The following GIMAP1 variants were observed in gnomAD, a reference collection of about 807,000 sequenced individuals.
GIMAP1 encodes GTPase IMAP family member 1.
For missense variants in GIMAP1, 423 were observed against 411.9 expected (o/e 1.03, Z -0.23); for synonymous variants, 230 against 187.7 (o/e 1.23, Z -1.84).
chr7:150,720,632 G>A lies in GIMAP1; in HGVS notation c.628G>A (p.Gly210Ser), dbSNP rs775340961. The change falls in exon 3 of 3, where the codon GGC becomes AGC. Residue 210 changes from glycine (G) to serine (S), a missense_variant. Coordinates refer to ENST00000307194, the MANE Select transcript of GIMAP1 (RefSeq NM_130759.4). The surrounding 1 kb of genome is among the most constrained non-coding windows in gnomAD (Gnocchi z 4.5). ...GGAGCAGCTGCTGGGGATGGTCGAG[G>A]GCTTGGTGCTGGAGCACAAGGGCGC... ...QVEQLLGMVE[G>S]LVLEHKGAHY... The A allele has an allele frequency of 1.9e-6, 3 of 1,612,700 alleles. No individual in the cohort carries two copies. Among genetic ancestry groups the A allele is most frequent in the African/African-American group, 1.3e-5 (1 of 75,050 alleles).
At chr7:150,719,564 T>TTA (rs1162675692) in intron 2 of GIMAP1, 3 of 164,872 alleles carry the variant, frequency 1.8e-5, no homozygotes, top group Non-Finnish European at 3.9e-5. Flanking sequence ...CAGGCCCCTA[T>TTA]TATCGCTCCC....
At chr7:150,719,237 G>T in intron 2 of GIMAP1, 147 bp downstream of exon 2, 1 of 936,444 alleles carries the variant, frequency 1.1e-6, no homozygotes. Flanking sequence ...CCTGAGATCT[G>T]CATTTTAGCT....
Position 150,722,043 on chromosome 7 carries a change from G to A in GIMAP1, c.*1118G>A, listed in dbSNP as rs1227515421. On this transcript the variant is annotated 3_prime_UTR_variant, in exon 3 of 3. Transcript: ENST00000307194. ...GAAAGCATCCGGTTTTTTCGGGATG[G>A]GCCTGTCCAGGAAGGTTCTCGAATG... 1.3e-5 allele frequency: 2 copies of A among 152,162 alleles called. No homozygotes were observed. The highest frequency in any genetic ancestry group is 4.8e-5 in the African/African-American group (2 of 41,426). The allele number at this position is 152,162 out of a possible 1,614,324, so 9.4% of individuals were successfully genotyped here.
chr7:150,720,585 G>A lies in GIMAP1; in HGVS notation c.581G>A (p.Gly194Asp). The change falls in exon 3 of 3, where the codon GGC becomes GAC. Residue 194 changes from glycine to aspartate, a missense_variant. Physicochemically the swap from Gly to Asp is moderately conservative, Grantham distance 94 (BLOSUM62 -1). Coordinates refer to ENST00000307194, the MANE Select transcript of GIMAP1 (RefSeq NM_130759.4). This position sits in a 1 kb window ranked among gnomAD's most constrained non-coding sequence, Gnocchi z 4.5. ...RVCAFDNRAT[G>D]REQEAQVEQL... is the part of the protein sequence containing the mutation. ...TGTGCCTTTGATAACCGGGCCACCGGCCGGGAGCAGGAAGCCCAGGTGGAG... is the reference window on the plus strand; with the variant it reads ...TGTGCCTTTGATAACCGGGCCACCGACCGGGAGCAGGAAGCCCAGGTGGAG... 6.2e-7 allele frequency: 1 copy of A among 1,613,802 alleles called. No individual in the cohort carries two copies. Among genetic ancestry groups the A allele is most frequent in the Non-Finnish European group, 8.5e-7 (1 of 1,179,838 alleles).
Position 150,720,312 on chromosome 7 carries a change from A to G in GIMAP1, c.308A>G (p.His103Arg). 6.2e-7 allele frequency: 1 copy of G among 1,614,188 alleles called. No individual in the cohort carries two copies. The highest frequency in any genetic ancestry group is 8.5e-7 in the Non-Finnish European group (1 of 1,180,022). ...KTDPGCEERG[H>R]CYLLSAPGPH... is the part of the protein sequence containing the mutation. ...GATCCTGGCTGTGAGGAGAGAGGTC[A>G]CTGCTACCTGCTCTCGGCCCCCGGA... is the stretch of plus-strand genomic sequence containing the variant. The change falls in exon 3 of 3, where the codon CAC becomes CGC. Residue 103 changes from histidine to arginine, a missense_variant. Coordinates refer to ENST00000307194, the MANE Select transcript of GIMAP1 (RefSeq NM_130759.4). This position sits in a 1 kb window ranked among gnomAD's most constrained non-coding sequence, Gnocchi z 4.5.
chr7:150,720,907 G>T lies in GIMAP1; in HGVS notation c.903G>T (p.Ala301=). Reference sequence around the variant, plus strand: ...ACAGGCGGTGGTCGGAGGCCGTTGCGGAGGTCGGGCCTGACTGACAGCGCA... The same window carrying T: ...ACAGGCGGTGGTCGGAGGCCGTTGCTGAGGTCGGGCCTGACTGACAGCGCA... ...LLHRRWSEAV[A]EVGPD Residue 301 remains alanine, a synonymous_variant, in exon 3 of 3, where the codon GCG becomes GCT. Coordinates refer to ENST00000307194, the MANE Select transcript of GIMAP1 (RefSeq NM_130759.4). The surrounding 1 kb of genome is among the most constrained non-coding windows in gnomAD (Gnocchi z 4.5). 1 of 1,579,394 alleles carries T rather than the reference G, an allele frequency of 6.3e-7. No homozygotes were observed. The highest frequency in any genetic ancestry group is 8.6e-7 in the Non-Finnish European group (1 of 1,168,796).
intron 1 of GIMAP1, among the ~76,000 whole-genome samples, chr7:150,718,625 A>G (rs1004765908): frequency 3.3e-5 from 5 of 152,190 alleles, no homozygotes; most frequent in Non-Finnish European, 7.3e-5. Context: ...CCTAAAGCCC[A>G]TTGGCATTGA....
In GIMAP1 at chr7:150,721,748, C is replaced by A. The variant is rs949273356; in HGVS notation, c.*823C>A. 1.3e-5 allele frequency: 2 copies of A among 150,104 alleles called. No homozygotes were observed. The highest frequency in any genetic ancestry group is 1.5e-5 in the Non-Finnish European group (1 of 67,848). The allele number at this position is 150,104 out of a possible 1,614,324, so 9.3% of individuals were successfully genotyped here. ...ATCACTTGATGCAGTGAGCCGAGAT[C>A]GTGCCACTGCACTCCAGGCTGGGTG... is the stretch of plus-strand genomic sequence containing the variant. On this transcript the variant is annotated 3_prime_UTR_variant, in exon 3 of 3. Coordinates refer to ENST00000307194, the MANE Select transcript of GIMAP1 (RefSeq NM_130759.4).
intron 1 of GIMAP1, among the ~76,000 whole-genome samples, chr7:150,718,755 A>G (rs1204358927): frequency 6.6e-6 from 1 of 152,192 alleles, no homozygotes; most frequent in African/African-American, 2.4e-5. Flanking sequence ...TGGCCCTTCC[A>G]AGGCCATTCT....
intron 1 of GIMAP1, among the ~76,000 whole-genome samples, chr7:150,717,681 A>G (rs1651096592): frequency 1.3e-5 from 2 of 152,220 alleles, no homozygotes; most frequent in South Asian, 4.1e-4. Context: ...TTGGTTGACA[A>G]GGACATTTTG....
chr7:150,719,518 G>C, intron 2 of GIMAP1: 1 of 167,468 alleles, frequency 6.0e-6, no homozygotes, highest in Non-Finnish European at 1.3e-5. Flanking sequence ...GAAGGAAAGA[G>C]GGCTTATTTC....
intron 2 of GIMAP1, 112 bp downstream of exon 2, chr7:150,719,202 A>C: frequency 1.8e-5 from 25 of 1,392,090 alleles, no homozygotes; most frequent in Non-Finnish European, 2.4e-5. Flanking sequence ...GAGGTGTCTC[A>C]ACTCTGGGAT....
In GIMAP1 at chr7:150,720,477, C is replaced by A; in HGVS notation, c.473C>A (p.Ala158Asp). The change falls in exon 3 of 3, where the codon GCC (alanine) becomes GAC (aspartate). Residue 158 changes from alanine to aspartate, a missense_variant. Transcript: ENST00000307194. The surrounding 1 kb of genome is among the most constrained non-coding windows in gnomAD (Gnocchi z 4.5). ...VIVFTRKEDL[A>D]GGSLHDYVSN... ...GTCTTCACCAGGAAGGAGGACCTGG[C>A]CGGGGGCTCCCTGCACGATTACGTG... 6.4e-7 allele frequency: 1 copy of A among 1,572,430 alleles called. No homozygotes were observed. The highest frequency in any genetic ancestry group is 1.2e-5 in the South Asian group (1 of 83,532).
rs746665465 is a variant in GIMAP1, at chr7:150,720,547, C to T, written c.543C>T (p.Cys181=). The T allele has an allele frequency of 3.7e-6, 6 of 1,610,776 alleles. No individual in the cohort carries two copies. The highest frequency in any genetic ancestry group is 2.2e-5 in the East Asian group (1 of 44,878). Residue 181 remains cysteine, a synonymous_variant, in exon 3 of 3, where the codon TGC becomes TGT. Transcript: ENST00000307194. This position sits in a 1 kb window ranked among gnomAD's most constrained non-coding sequence, Gnocchi z 4.5. ...NRALRELVAE[C]GGRVCAFDNR... Reference sequence around the variant, plus strand: ...CCTTGCGCGAGCTGGTGGCCGAGTGCGGGGGCCGGGTCTGTGCCTTTGATA... The same window carrying T: ...CCTTGCGCGAGCTGGTGGCCGAGTGTGGGGGCCGGGTCTGTGCCTTTGATA...
rs527404572 is a variant in GIMAP1 at position 150,719,336 on chromosome 7, C to T, written c.43+246C>T. On this transcript the variant is annotated intron_variant, in intron 2 of 2. Transcript: ENST00000307194. ...ATAAGGATAATAAACCTACTCCGAT[C>T]ACCGCAGAAGAAGTGCAGAGGGGAT... The T allele has an allele frequency of 5.6e-6, 3 of 532,936 alleles. No homozygotes were observed. The African/African-American group carries it at 5.7e-5, about 10-fold the overall frequency. The allele number at this position is 532,936 out of a possible 1,614,324, so 33.0% of individuals were successfully genotyped here. A position where few individuals can be genotyped will look rare whatever the true frequency, so the allele number is the denominator to read the frequency against.
Position 150,723,608 on chromosome 7 carries a change from A to G in GIMAP1, c.*2683A>G, listed in dbSNP as rs1394551274. On this transcript the variant is annotated 3_prime_UTR_variant, in exon 3 of 3. Coordinates refer to ENST00000307194, the MANE Select transcript of GIMAP1 (RefSeq NM_130759.4). ...TGGCTTAAAGGTTGCTTTTTCCCCC[A>G]TAGCTCAAGGTTAGGCCTTGTGACC... 1 of 152,104 alleles carries G rather than the reference A, an allele frequency of 6.6e-6. No individual in the cohort carries two copies. Among genetic ancestry groups the G allele is most frequent in the Non-Finnish European group, 1.5e-5 (1 of 68,028 alleles). The allele number at this position is 152,104 out of a possible 1,614,324, so 9.4% of individuals were successfully genotyped here.
chr7:150,717,573 A>G lies in GIMAP1; in HGVS notation c.-7+883A>G, dbSNP rs6953022. ...GGTCTTACTTTCCTTTAAAAAAAAA[A>G]ACTATTTAAAATCATTTCAACCCCT... On this transcript the variant is annotated intron_variant, in intron 1 of 2. Coordinates refer to ENST00000307194, the MANE Select transcript of GIMAP1 (RefSeq NM_130759.4). Among the ~76,000 whole-genome samples the G allele has an allele frequency of 3.3e-3, 500 of 152,274 alleles. 4 individuals are homozygous for G. The highest frequency in any genetic ancestry group is 0.011 in the African/African-American group (472 of 41,538).
At chr7:150,719,821 T>C (rs1563365097) in intron 2 of GIMAP1, among the ~76,000 whole-genome samples, 1 of 152,256 alleles carries the variant, frequency 6.6e-6, no homozygotes, top group Non-Finnish European at 1.5e-5. Flanking sequence ...AAATGTCAGA[T>C]GAACTATTGG....
chr7:150,721,805 A>T lies in GIMAP1; in HGVS notation c.*880A>T, dbSNP rs1797308532. ...CAAGAATCTGTCTCAAAAAAAAAAA[A>T]AGAAAAGAAAAGAAAAAGAAAAAGA... On this transcript the variant is annotated 3_prime_UTR_variant, in exon 3 of 3. Coordinates refer to ENST00000307194, the MANE Select transcript of GIMAP1 (RefSeq NM_130759.4). The T allele has an allele frequency of 7.5e-6, 1 of 133,518 alleles. No individual in the cohort carries two copies. The highest frequency in any genetic ancestry group is 1.5e-5 in the Non-Finnish European group (1 of 65,862). 8.3% of individuals were successfully genotyped at this position (133,518 alleles called of 1,614,324 possible). A position where few individuals can be genotyped will look rare whatever the true frequency, so the allele number is the denominator to read the frequency against.
Sources: gnomAD v4.1 joint callset for allele counts (sites outside exome capture counted in the v4.1 genomes callset) on GRCh38, gnomAD v4.1.1 for gene constraint, Gnocchi (gnomAD v3.1) non-coding constraint, MANE v1.5 for transcripts, NCBI Gene and HGNC (gene_info 2026-07-23, HGNC 2026-07-21) for gene names.